Variants in FAM171A1 observed in about 807,000 individuals in gnomAD.
FAM171A1 encodes protein FAM171A1.
In FAM171A1, 23 loss-of-function variants were observed where a neutral mutation model predicts 74.9. That is an observed-to-expected ratio of 0.31 (90% CI 0.22 to 0.44). FAM171A1 has a LOEUF of 0.44. FAM171A1 is among the 20% of genes least tolerant of loss of function. The pLI is 1.00. For synonymous variants in FAM171A1, 527 were observed against 505.7 expected (o/e 1.04, Z -0.57); for missense variants, 1,162 against 1,159.2 (o/e 1.00, Z -0.03).
intron 1 of FAM171A1, among the ~76,000 whole-genome samples, chr10:15,367,621 T>A (rs1836081644): frequency 6.6e-6 from 1 of 152,208 alleles, no homozygotes; most frequent in East Asian, 1.9e-4. Flanking sequence ...TTTCAACAGA[T>A]CCCAGTGTTC....
At chr10:15,301,364 T>TATATATATATATA (rs1323089320) in intron 1 of FAM171A1, among the ~76,000 whole-genome samples, 13 of 102,852 alleles carry the variant, frequency 1.3e-4, no homozygotes, top group African/African-American at 4.2e-4. Flanking sequence ...ATATATATAT[T>TATATATATATATA]TTTTTTTTTT....
intron 4 of FAM171A1, among the ~76,000 whole-genome samples, chr10:15,249,098 C>CTTTTTT (rs71390024): frequency 1.5e-5 from 2 of 133,884 alleles, no homozygotes; most frequent in Non-Finnish European, 3.1e-5. Context: ...TTTCTTTTTT[C>CTTTTTT]TTTTTTTTTT....
At chr10:15,215,390 GA>G (rs527571865) in intron 7 of FAM171A1, among the ~76,000 whole-genome samples, 84 of 151,768 alleles carry the variant, frequency 5.5e-4, no homozygotes, top group African/African-American at 1.9e-3. Flanking sequence ...TTTTGAGATG[GA>G]GTCTTGCTCT....
upstream of FAM171A1, among the ~76,000 whole-genome samples, chr10:15,372,051 T>C (rs1445719187): frequency 1.3e-5 from 2 of 152,184 alleles, no homozygotes; most frequent in Admixed American, 1.3e-4. Flanking sequence ...CTGGCAGGGC[T>C]GGGCAGGACA....
intron 1 of FAM171A1, among the ~76,000 whole-genome samples, chr10:15,324,558 C>T (rs997237754): frequency 3.3e-5 from 5 of 152,308 alleles, no homozygotes; most frequent in South Asian, 4.1e-4. Context: ...CCTGCAGCCC[C>T]GTGCGCTAGC....
chr10:15,320,837 C>T (rs7921541), intron 1 of FAM171A1, among the ~76,000 whole-genome samples: 101,438 of 152,170 alleles, frequency 0.67, 34,070 homozygotes, highest in East Asian at 0.83. Flanking sequence ...ACTTAACAAT[C>T]GTACTAACAT....
At chr10:15,349,494 C>G (rs531299008) in intron 1 of FAM171A1, among the ~76,000 whole-genome samples, 2 of 152,162 alleles carry the variant, frequency 1.3e-5, no homozygotes, top group Admixed American at 6.5e-5. Context: ...ATTAAAGGAA[C>G]CTCCAAGTCA....
chr10:15,269,568 T>C (rs948468465), intron 3 of FAM171A1, among the ~76,000 whole-genome samples: 1 of 152,126 alleles, frequency 6.6e-6, no homozygotes, highest in Non-Finnish European at 1.5e-5. Flanking sequence ...CAAGATCATG[T>C]TTACAGACAT....
intron 1 of FAM171A1, among the ~76,000 whole-genome samples, chr10:15,366,894 G>T (rs1330852239): frequency 6.6e-6 from 1 of 152,156 alleles, no homozygotes; most frequent in Non-Finnish European, 1.5e-5. Context: ...TTAAAATAAA[G>T]AATTGATTAA....
chr10:15,248,222 A>T (rs1157024892), intron 5 of FAM171A1, among the ~76,000 whole-genome samples: 1 of 151,974 alleles, frequency 6.6e-6, no homozygotes, highest in Admixed American at 6.6e-5. Context: ...CTTATGGGTA[A>T]TTTTTATTTT....
chr10:15,326,099 T>C (rs1470483495), intron 1 of FAM171A1, among the ~76,000 whole-genome samples: 1 of 152,188 alleles, frequency 6.6e-6, no homozygotes, highest in Non-Finnish European at 1.5e-5. Context: ...ACTCCCTAAT[T>C]TATCTGTTGG....
intron 1 of FAM171A1, among the ~76,000 whole-genome samples, chr10:15,302,576 A>G (rs1228033449): frequency 6.6e-6 from 1 of 150,806 alleles, no homozygotes; most frequent in African/African-American, 2.4e-5. Context: ...CCAGCCTTTC[A>G]AGAAGCAGAA....
At chr10:15,294,778 C>T (rs531753591) in intron 1 of FAM171A1, among the ~76,000 whole-genome samples, 4 of 152,256 alleles carry the variant, frequency 2.6e-5, no homozygotes, top group East Asian at 1.9e-4. Context: ...CTCTAAGTAG[C>T]GAGTTAAGAG....
At chr10:15,289,607 T>C (rs754932219) in intron 1 of FAM171A1, among the ~76,000 whole-genome samples, 4 of 152,080 alleles carry the variant, frequency 2.6e-5, no homozygotes, top group Non-Finnish European at 4.4e-5. Context: ...ACCTGAGCCC[T>C]GAGATCCCAC....
At chr10:15,318,592 G>T (rs957312133) in intron 1 of FAM171A1, among the ~76,000 whole-genome samples, 1 of 152,216 alleles carries the variant, frequency 6.6e-6, no homozygotes, top group African/African-American at 2.4e-5. Flanking sequence ...GTTCCCATCA[G>T]TACGTAGGTC....
intron 2 of FAM171A1, among the ~76,000 whole-genome samples, chr10:15,277,534 G>A (rs1834909797): frequency 6.6e-6 from 1 of 152,136 alleles, no homozygotes; most frequent in African/African-American, 2.4e-5. Flanking sequence ...TCTGAAGTAG[G>A]CATTATTAAC....
intron 3 of FAM171A1, among the ~76,000 whole-genome samples, chr10:15,260,881 G>A (rs767069981): frequency 1.4e-4 from 22 of 152,246 alleles, no homozygotes; most frequent in South Asian, 4.1e-4. Context: ...CTCTGGGGAG[G>A]GGGGGCAAAG....
At chr10:15,355,924 C>T (rs760821214) in intron 1 of FAM171A1, among the ~76,000 whole-genome samples, 15 of 151,934 alleles carry the variant, frequency 9.9e-5, no homozygotes, top group Admixed American at 2.0e-4. Flanking sequence ...AATACACATG[C>T]ACACACACCT....
intron 1 of FAM171A1, among the ~76,000 whole-genome samples, chr10:15,367,014 C>T (rs919881771): frequency 2.6e-5 from 4 of 152,190 alleles, no homozygotes; most frequent in Admixed American, 1.3e-4. Context: ...CTGGCTAACA[C>T]GATGAAACCC....
Sources: gnomAD v4.1 joint callset for allele counts (sites outside exome capture counted in the v4.1 genomes callset) on GRCh38, gnomAD v4.1.1 for gene constraint, MANE v1.5 for transcripts, NCBI Gene and HGNC (gene_info 2026-07-23, HGNC 2026-07-21) for gene names.